Variants in THRB observed in about 807,000 individuals in gnomAD.
The protein encoded by THRB is thyroid hormone receptor beta.
THRB carries 12 observed loss-of-function variants against 47.8 expected under a neutral mutation model. The observed-to-expected ratio is 0.25, with a 90% CI of 0.16 to 0.41. The LOEUF is 0.41. Ranked by LOEUF, THRB falls within the 10% of genes least tolerant of loss-of-function variation. The pLI is 1.00. For missense variants in THRB, 348 were observed against 589.2 expected (o/e 0.59, Z 4.24); for synonymous variants, 218 against 212.2 (o/e 1.03, Z -0.24).
At chr3:24,432,393 T>A (rs2196430) in intron 1 of THRB, among the ~76,000 whole-genome samples, 100,885 of 151,956 alleles carry the variant, frequency 0.66, 33,720 homozygotes, top group Admixed American at 0.68. Flanking sequence ...TCTGTCTAAT[T>A]TTCCATTAAT....
intron 3 of THRB, among the ~76,000 whole-genome samples, chr3:24,243,620 C>T (rs61068852): frequency 4.2e-4 from 64 of 152,188 alleles, no homozygotes; most frequent in African/African-American, 1.5e-3. Flanking sequence ...CTGGGCACGG[C>T]GCTTCCCAAT....
At chr3:24,276,838 G>C (rs938102671) in intron 3 of THRB, among the ~76,000 whole-genome samples, 1 of 152,210 alleles carries the variant, frequency 6.6e-6, no homozygotes, top group Non-Finnish European at 1.5e-5. Context: ...TGAATGATAC[G>C]ATGTTGGAGC....
intron 1 of THRB, among the ~76,000 whole-genome samples, chr3:24,361,535 G>A (rs1336571281): frequency 1.3e-5 from 2 of 152,142 alleles, no homozygotes; most frequent in Admixed American, 6.6e-5. Flanking sequence ...GTCTATAAGA[G>A]CAGGGTACTA....
At chr3:24,179,152 C>T (rs7652337) in intron 5 of THRB, among the ~76,000 whole-genome samples, 109,794 of 152,130 alleles carry the variant, frequency 0.72, 41,005 homozygotes, top group African/African-American at 0.93. Flanking sequence ...TGTGAAAACC[C>T]CTTAGAGACA....
intron 3 of THRB, among the ~76,000 whole-genome samples, chr3:24,240,462 G>A (rs4858596): frequency 0.048 from 7,293 of 152,210 alleles, 553 homozygotes; most frequent in Admixed American, 0.21. Context: ...GAAATTACAC[G>A]GATGCCAACC....
chr3:24,198,263 G>C (rs1011287233), intron 4 of THRB, among the ~76,000 whole-genome samples: 4 of 152,174 alleles, frequency 2.6e-5, no homozygotes, highest in Admixed American at 2.6e-4. Context: ...TTAAATTGTT[G>C]GCTGTTTCTA....
rs1332393694 is a variant in THRB, at chr3:24,390,745, C to T, written c.-260-53374G>A. ...CAGCTGTTTTCTTTTTAGCCAGCCTCTCAGCCTGATGCCCAGCTGCTTCCC... is the reference window on the plus strand; with the variant it reads ...CAGCTGTTTTCTTTTTAGCCAGCCTTTCAGCCTGATGCCCAGCTGCTTCCC... On this transcript the variant is annotated intron_variant, in intron 1 of 10. Coordinates refer to ENST00000646209, the MANE Select transcript of THRB (RefSeq NM_001354712.2). 4.7e-5 allele frequency among the ~76,000 whole-genome samples: 7 copies of T among 149,312 alleles called. No individual in the cohort carries two copies. The East Asian group carries it at 9.8e-4, about 21-fold the overall frequency.
chr3:24,293,638 A>G (rs1481604747), intron 3 of THRB, among the ~76,000 whole-genome samples: 1 of 152,250 alleles, frequency 6.6e-6, no homozygotes, highest in Non-Finnish European at 1.5e-5. Context: ...TTTCAATAAA[A>G]TGAGGCCAGA....
At chr3:24,200,747 T>G (rs1223030220) in intron 4 of THRB, among the ~76,000 whole-genome samples, 1 of 152,148 alleles carries the variant, frequency 6.6e-6, no homozygotes, top group African/African-American at 2.4e-5. Context: ...CTGGAAAAGT[T>G]TGGTTTTTTC....
chr3:24,267,370 GAA>G (rs71266409), intron 3 of THRB, among the ~76,000 whole-genome samples: 1 of 135,910 alleles, frequency 7.4e-6, no homozygotes, highest in East Asian at 2.2e-4. Context: ...AACTTTTCCT[GAA>G]AAAAAAAAAA....
At chr3:24,168,415 C>G (rs1476437112) in intron 5 of THRB, among the ~76,000 whole-genome samples, 1 of 151,512 alleles carries the variant, frequency 6.6e-6, no homozygotes, top group East Asian at 1.9e-4. Flanking sequence ...AGTTATTTCA[C>G]TTATAGTGCA....
chr3:24,146,519 C>A (rs1323753103), intron 7 of THRB, among the ~76,000 whole-genome samples, 156 bp downstream of exon 7: 1 of 152,192 alleles, frequency 6.6e-6, no homozygotes, highest in Non-Finnish European at 1.5e-5. Flanking sequence ...CAGGGCAAGC[C>A]TGGATGTGGG....
intron 4 of THRB, among the ~76,000 whole-genome samples, chr3:24,215,225 C>T (rs1430127468): frequency 1.3e-5 from 2 of 152,146 alleles, no homozygotes; most frequent in Non-Finnish European, 2.9e-5. Flanking sequence ...CAGAGTGTAC[C>T]ATAGGACTTG....
chr3:24,477,700 A>G (rs1029529402), intron 1 of THRB, among the ~76,000 whole-genome samples: 1 of 152,040 alleles, frequency 6.6e-6, no homozygotes, highest in African/African-American at 2.4e-5. Flanking sequence ...AACGCAGGAT[A>G]CGTACAGCAC....
intron 1 of THRB, chr3:24,455,487 G>A (rs892093010): frequency 6.6e-6 from 1 of 152,046 alleles, no homozygotes; most frequent in Admixed American, 6.6e-5. Context: ...GTTTCTTAGT[G>A]TTTCTGAGTT....
At chr3:24,280,568 C>A (rs1487285569) in intron 3 of THRB, among the ~76,000 whole-genome samples, 1 of 152,202 alleles carries the variant, frequency 6.6e-6, no homozygotes, top group Non-Finnish European at 1.5e-5. Context: ...TCACCAGCAA[C>A]AGAACAAAGC....
At chr3:24,306,125 T>A (rs972383376) in intron 2 of THRB, among the ~76,000 whole-genome samples, 4 of 152,226 alleles carry the variant, frequency 2.6e-5, no homozygotes, top group African/African-American at 9.7e-5. Context: ...ATAGAAACCA[T>A]TTTAATATTA....
At chr3:24,123,150 A>G (rs750354374) in intron 10 of THRB, 25 bp from the exon 11 acceptor site, 41 of 1,613,696 alleles carry the variant, frequency 2.5e-5, no homozygotes, top group Non-Finnish European at 3.2e-5. Context: ...GAAGATGGAC[A>G]TTGATTCAGA....
chr3:24,218,162 G>A (rs1276038887), intron 4 of THRB, among the ~76,000 whole-genome samples: 1 of 151,942 alleles, frequency 6.6e-6, no homozygotes, highest in East Asian at 1.9e-4. Flanking sequence ...CAGCTACTCG[G>A]GAGGTTGAGG....
Sources: gnomAD v4.1 joint callset for allele counts (sites outside exome capture counted in the v4.1 genomes callset) on GRCh38, gnomAD v4.1.1 for gene constraint, MANE v1.5 for transcripts, NCBI Gene and HGNC (gene_info 2026-07-23, HGNC 2026-07-21) for gene names.